The following CDKAL1 variants were observed in gnomAD, a reference collection of about 807,000 sequenced individuals.
The protein encoded by CDKAL1 is threonylcarbamoyladenosine tRNA methylthiotransferase.
A neutral mutation model predicts 68.2 loss-of-function variants in CDKAL1; 32 were observed. The observed-to-expected ratio is 0.47, with a 90% confidence interval of 0.35 to 0.63. CDKAL1 has a LOEUF of 0.63. Ranked by LOEUF, CDKAL1 falls within the 30% of genes least tolerant of loss-of-function variation. The probability of loss-of-function intolerance (pLI) is 0.00; values close to 1 mark genes in which losing one functional copy is unlikely to be tolerated. For synonymous variants in CDKAL1, 234 were observed against 244.3 expected (o/e 0.96, Z 0.39); for missense variants, 606 against 696.7 (o/e 0.87, Z 1.47).
chr6:21,100,853 A>G lies in CDKAL1; in HGVS notation c.1237-7548A>G, dbSNP rs1366798628. On this transcript the variant is annotated intron_variant, in intron 12 of 15. Coordinates refer to ENST00000274695, the MANE Select transcript of CDKAL1 (RefSeq NM_017774.3). Reference sequence around the variant, plus strand: ...TCTTAGGGACACTATCAAAATATGTATAATATAAAGTGAGATTGTGATTGA... The same window carrying G: ...TCTTAGGGACACTATCAAAATATGTGTAATATAAAGTGAGATTGTGATTGA... Among the ~76,000 whole-genome samples the G allele has an allele frequency of 2.0e-5, 3 of 152,294 alleles. No homozygotes were observed. In the East Asian group the frequency reaches 5.8e-4, roughly 29 times the overall value.
At chr6:20,677,070 AT>A (rs1035311444) in intron 5 of CDKAL1, among the ~76,000 whole-genome samples, 5 of 147,272 alleles carry the variant, frequency 3.4e-5, no homozygotes, top group East Asian at 1.9e-4. Flanking sequence ...TTATTTGATA[AT>A]TTTTTTTGTG....
chr6:20,756,183 C>G (rs1258909285), intron 6 of CDKAL1: 1 of 152,188 alleles, frequency 6.6e-6, no homozygotes, highest in Middle Eastern at 3.1e-3. Flanking sequence ...CCTTTGCCTA[C>G]TGCCTTTCTC....
At chr6:20,812,935 T>G (rs1490826877) in intron 8 of CDKAL1, among the ~76,000 whole-genome samples, 1 of 152,202 alleles carries the variant, frequency 6.6e-6, no homozygotes, top group Non-Finnish European at 1.5e-5. Context: ...ATATTTACAC[T>G]AGCAGTTTTT....
intron 9 of CDKAL1, among the ~76,000 whole-genome samples, chr6:20,917,201 G>C (rs1762760294): frequency 1.3e-5 from 2 of 152,056 alleles, no homozygotes; most frequent in Non-Finnish European, 2.9e-5. Context: ...GGCTGATCTT[G>C]AACTCCTGAC....
At chr6:21,102,947 A>T (rs893502230) in intron 12 of CDKAL1, among the ~76,000 whole-genome samples, 1 of 152,242 alleles carries the variant, frequency 6.6e-6, no homozygotes, top group Non-Finnish European at 1.5e-5. Context: ...CTGAAATGCA[A>T]ACCCGCTCTT....
chr6:20,797,716 G>A (rs1028554410), intron 8 of CDKAL1, among the ~76,000 whole-genome samples: 1 of 151,958 alleles, frequency 6.6e-6, no homozygotes, highest in African/African-American at 2.4e-5. Context: ...CTTATGCCAA[G>A]TGAAATAAGC....
At chr6:20,850,557 C>G (rs182388760) in intron 9 of CDKAL1, among the ~76,000 whole-genome samples, 1 of 152,182 alleles carries the variant, frequency 6.6e-6, no homozygotes, top group Non-Finnish European at 1.5e-5. Context: ...CCCACCTCAG[C>G]CTCCTGAGTA....
intron 12 of CDKAL1, among the ~76,000 whole-genome samples, chr6:21,074,359 TA>T (rs1158575959): frequency 6.6e-6 from 1 of 152,186 alleles, no homozygotes; most frequent in African/African-American, 2.4e-5. Context: ...CATATTGGAT[TA>T]GGGGCCCACC....
At chr6:20,566,397 C>T (rs780065819) in intron 4 of CDKAL1, among the ~76,000 whole-genome samples, 1 of 152,066 alleles carries the variant, frequency 6.6e-6, no homozygotes, top group Admixed American at 6.6e-5. Flanking sequence ...TAGTGCCACT[C>T]ACTAGTCTGT....
At chr6:20,546,890 C>T (rs567329053) in intron 3 of CDKAL1, among the ~76,000 whole-genome samples, 18 of 152,214 alleles carry the variant, frequency 1.2e-4, no homozygotes, top group East Asian at 3.9e-4. Flanking sequence ...GAGAAGCTGA[C>T]GCTACTGGTC....
intron 13 of CDKAL1, among the ~76,000 whole-genome samples, chr6:21,138,078 T>A (rs1427064307): frequency 6.6e-6 from 1 of 152,212 alleles, no homozygotes; most frequent in Non-Finnish European, 1.5e-5. Context: ...TAGAGTTGTA[T>A]TTTTGTTTCA....
At chr6:21,142,444 C>T (rs1775965609) in intron 13 of CDKAL1, among the ~76,000 whole-genome samples, 1 of 152,166 alleles carries the variant, frequency 6.6e-6, no homozygotes, top group African/African-American at 2.4e-5. Flanking sequence ...AAGGCTAGCA[C>T]CTACCTCCTG....
At chr6:21,009,613 A>C (rs1052609400) in intron 11 of CDKAL1, among the ~76,000 whole-genome samples, 1 of 152,218 alleles carries the variant, frequency 6.6e-6, no homozygotes, top group Non-Finnish European at 1.5e-5. Context: ...CTAAATGTCC[A>C]TCATCAGATG....
At chr6:21,228,057 T>TAATC (rs2151130195) in intron 15 of CDKAL1, among the ~76,000 whole-genome samples, 1 of 152,310 alleles carries the variant, frequency 6.6e-6, no homozygotes, top group Non-Finnish European at 1.5e-5. Context: ...CTGGCACCAC[T>TAATC]AATCATGGCA....
At chr6:20,710,422 A>G (rs1771794355) in intron 5 of CDKAL1, among the ~76,000 whole-genome samples, 1 of 152,196 alleles carries the variant, frequency 6.6e-6, no homozygotes, top group Admixed American at 6.5e-5. Flanking sequence ...AATAGGCTAC[A>G]CTATATAGTC....
intron 8 of CDKAL1, among the ~76,000 whole-genome samples, chr6:20,827,439 A>C (rs1418265728): frequency 6.6e-6 from 1 of 152,222 alleles, no homozygotes; most frequent in Non-Finnish European, 1.5e-5. Context: ...TTTTTTAACA[A>C]TAGCAAAGAA....
chr6:21,032,366 A>C (rs113334541), intron 11 of CDKAL1, among the ~76,000 whole-genome samples: 7 of 152,254 alleles, frequency 4.6e-5, no homozygotes, highest in African/African-American at 1.7e-4. Context: ...GACTCACTGC[A>C]CCTGGCTATT....
rs529867173 is a variant in CDKAL1 at position 20,638,636 on chromosome 6, G to A, written c.287-10657G>A. On this transcript the variant is annotated intron_variant, in intron 4 of 15. Coordinates refer to ENST00000274695, the MANE Select transcript of CDKAL1 (RefSeq NM_017774.3). ...GATTCTTTTTTTTTTTTTTTGAGAC[G>A]GAGTCTCACTCTGTCTCCAGGCTGG... 3.4e-5 allele frequency among the ~76,000 whole-genome samples: 5 copies of A among 149,074 alleles called. No homozygotes were observed. The South Asian group carries it at 1.1e-3, about 32-fold the overall frequency.
At position 20,582,695 on chromosome 6, in the gene CDKAL1, G is replaced by A. The variant is rs1166768095; in HGVS notation, c.286+33990G>A. The stretch of plus-strand genomic sequence containing the variant: ...ATCAGTTGGTTTTCTTTTTCCTCCT[G>A]TAGAAGCATGTATGTTGATCTCTGT... On this transcript the variant is annotated intron_variant, in intron 4 of 15. Coordinates refer to ENST00000274695, the MANE Select transcript of CDKAL1 (RefSeq NM_017774.3). Among the ~76,000 whole-genome samples the A allele has an allele frequency of 3.3e-5, 5 of 152,080 alleles. No homozygotes were observed. The East Asian group carries it at 9.6e-4, about 29-fold the overall frequency.
Sources: gnomAD v4.1 joint callset for allele counts (sites outside exome capture counted in the v4.1 genomes callset) on GRCh38, gnomAD v4.1.1 for gene constraint, MANE v1.5 for transcripts, NCBI Gene and HGNC (gene_info 2026-07-23, HGNC 2026-07-21) for gene names.